KDM4B: variants seen among roughly 807,000 people sequenced by gnomAD.
KDM4B encodes lysine demethylase 4B, also known as lysine-specific demethylase 4B.
Under a neutral mutation model 125.2 loss-of-function variants are expected in KDM4B, and 32 were observed. The ratio of observed to expected loss-of-function variants is 0.26; its 90% CI spans 0.19 to 0.34. The LOEUF (loss-of-function observed/expected upper bound fraction) is 0.34. KDM4B is among the 10% of genes least tolerant of loss of function. The pLI, the probability that KDM4B is intolerant of heterozygous loss-of-function variation, is 1.00. For missense variants in KDM4B, 1,190 were observed against 1,577.7 expected, an observed-to-expected ratio of 0.75 and a Z score of 4.16; for synonymous variants, 721 against 677.9, an observed-to-expected ratio of 1.06 and a Z score of -0.99.
chr19:5,119,560 G>A (rs1568309179), intron 10 of KDM4B, 93 bp from the exon 11 acceptor site: 1 of 1,241,622 alleles, frequency 8.1e-7, no homozygotes, highest in Non-Finnish European at 1.2e-6. Flanking sequence ...TTCTGGGGGT[G>A]GGCGGGGGCT....
At chr19:5,068,511 A>G (rs1029582900) in intron 6 of KDM4B, among the ~76,000 whole-genome samples, 3 of 152,174 alleles carry the variant, frequency 2.0e-5, no homozygotes, top group African/African-American at 7.2e-5. Context: ...AGCCTCACTC[A>G]GTTCTGTGTG....
intron 7 of KDM4B, among the ~76,000 whole-genome samples, chr19:5,072,887 C>T (rs573175051): frequency 2.6e-5 from 4 of 152,230 alleles, no homozygotes; most frequent in South Asian, 4.1e-4. Flanking sequence ...TTCCTTGGCT[C>T]GGTCCCAGGG....
intron 1 of KDM4B, among the ~76,000 whole-genome samples, chr19:4,995,924 T>C (rs2035185737): frequency 6.6e-6 from 1 of 152,234 alleles, no homozygotes; most frequent in Admixed American, 6.5e-5. Context: ...TCTGCAGTCC[T>C]TTATTTTGGT....
rs1329638601 is a variant in KDM4B at position 4,997,963 on chromosome 19, A to G, written c.-108-18294A>G. Among the ~76,000 whole-genome samples, 2 of 152,274 alleles carry G rather than the reference A, an allele frequency of 1.3e-5. No individual in the cohort carries two copies. The highest frequency in any genetic ancestry group is 2.9e-5 in the Non-Finnish European group (2 of 68,044). ...TTACAAGGCAGGTTTGTAGATGCAT[A>G]GATTATTTAGTTAATGATTATGGTT... On this transcript the variant is annotated intron_variant, in intron 1 of 22. Transcript: ENST00000159111. The surrounding 1 kb of genome is among the most constrained non-coding windows in gnomAD (Gnocchi z 4.2).
chr19:5,052,895 C>A (rs2037277220), intron 6 of KDM4B, among the ~76,000 whole-genome samples: 1 of 152,196 alleles, frequency 6.6e-6, no homozygotes, highest in African/African-American at 2.4e-5. Flanking sequence ...GGGGTCCCAC[C>A]AGCAGTGGGG....
At chr19:5,145,496 G>A (rs764484527) in intron 21 of KDM4B, among the ~76,000 whole-genome samples, 5 of 152,034 alleles carry the variant, frequency 3.3e-5, no homozygotes, top group African/African-American at 1.2e-4. Flanking sequence ...CAGGAGAATC[G>A]CTTGAACCCG....
chr19:5,124,035 G>A (rs1161448986), intron 11 of KDM4B, among the ~76,000 whole-genome samples: 1 of 152,118 alleles, frequency 6.6e-6, no homozygotes, highest in African/African-American at 2.4e-5. Context: ...GTGGGGGGCT[G>A]CGTGGGCCAC....
chr19:5,130,154 C>T (rs897027624), intron 11 of KDM4B, among the ~76,000 whole-genome samples: 7 of 152,184 alleles, frequency 4.6e-5, no homozygotes, highest in African/African-American at 1.7e-4. Context: ...TTGTGAGGGC[C>T]TTGTGAGGAC....
intron 2 of KDM4B, among the ~76,000 whole-genome samples, chr19:5,028,972 G>T (rs1478070317): frequency 6.6e-6 from 1 of 152,188 alleles, no homozygotes; most frequent in Non-Finnish European, 1.5e-5. Context: ...GTGCAGTGGT[G>T]CAATCTTGGC....
intron 6 of KDM4B, among the ~76,000 whole-genome samples, chr19:5,068,496 C>T (rs1344478728): frequency 6.6e-6 from 1 of 152,252 alleles, no homozygotes; most frequent in African/African-American, 2.4e-5. Flanking sequence ...GAGCGTGGCG[C>T]CTCCAGCCTC....
intron 1 of KDM4B, among the ~76,000 whole-genome samples, chr19:5,002,979 T>C (rs2035439180): frequency 6.6e-6 from 1 of 152,136 alleles, no homozygotes; most frequent in Non-Finnish European, 1.5e-5. Context: ...GAGTCTTTAC[T>C]TTCTTTGCCT....
intron 7 of KDM4B, among the ~76,000 whole-genome samples, chr19:5,073,495 C>T (rs767214827): frequency 2.0e-5 from 3 of 152,260 alleles, no homozygotes; most frequent in Non-Finnish European, 4.4e-5. Flanking sequence ...CCTTGCCAGC[C>T]ACTTCTCCCC....
At position 5,001,398 on chromosome 19, in the gene KDM4B, A is replaced by C. The variant is rs191360105; in HGVS notation, c.-108-14859A>C. The stretch of plus-strand genomic sequence containing the variant: ...AGCTGTGTGTCCTGGAAACCACTTC[A>C]TTGGCCAGGGAGCTCTTCCTGGCTC... On this transcript the variant is annotated intron_variant, in intron 1 of 22. Coordinates refer to ENST00000159111, the MANE Select transcript of KDM4B (RefSeq NM_015015.3). Among the ~76,000 whole-genome samples, 67 of 152,218 alleles carry C rather than the reference A, an allele frequency of 4.4e-4. 1 individual carries two copies. The highest frequency in any genetic ancestry group is 1.5e-3 in the African/African-American group (61 of 41,534).
chr19:5,146,116 G>A (rs541834747), intron 21 of KDM4B, among the ~76,000 whole-genome samples: 4 of 136,986 alleles, frequency 2.9e-5, no homozygotes, highest in East Asian at 2.3e-4. Flanking sequence ...ACCCCCGGCC[G>A]TGCAGGCCGA....
At chr19:4,986,961 A>T (rs537323708) in intron 1 of KDM4B, among the ~76,000 whole-genome samples, 3,320 of 146,718 alleles carry the variant, frequency 0.023, 38 homozygotes, top group Non-Finnish European at 0.033. Context: ...ATTTTATTTT[A>T]TTTTTTTTTT....
chr19:4,989,762 C>G (rs1429531088), intron 1 of KDM4B, among the ~76,000 whole-genome samples: 1 of 152,182 alleles, frequency 6.6e-6, no homozygotes, highest in African/African-American at 2.4e-5. Flanking sequence ...AAGCGATTCT[C>G]CTGCCTCAGC....
intron 1 of KDM4B, among the ~76,000 whole-genome samples, chr19:4,970,281 C>G (rs1417917312): frequency 6.6e-6 from 1 of 152,238 alleles, no homozygotes; most frequent in Non-Finnish European, 1.5e-5. Context: ...GAGGATGCTT[C>G]TGTTTTAATA....
intron 6 of KDM4B, among the ~76,000 whole-genome samples, chr19:5,049,785 C>T (rs1029463838): frequency 3.3e-5 from 5 of 152,070 alleles, no homozygotes; most frequent in East Asian, 3.9e-4. Context: ...CTGGTCACCC[C>T]GTGTCCCAGC....
intron 3 of KDM4B, among the ~76,000 whole-genome samples, chr19:5,037,115 A>T (rs564663778): frequency 1.3e-5 from 2 of 152,322 alleles, no homozygotes; most frequent in African/African-American, 4.8e-5. Context: ...TTCATTTAGC[A>T]GACTAGGATC....
Sources: allele counts gnomAD v4.1 joint callset (sites outside exome capture counted in the v4.1 genomes callset), GRCh38; gene constraint gnomAD v4.1.1; non-coding constraint Gnocchi (gnomAD v3.1); transcripts MANE v1.5; gene names NCBI Gene and HGNC (gene_info 2026-07-23, HGNC 2026-07-21).